Variants in PROSER1 observed in about 807,000 individuals in gnomAD.
The protein encoded by PROSER1 is proline and serine rich 1.
PROSER1 carries 36 observed loss-of-function variants against 71.8 expected under a neutral mutation model. The observed-to-expected ratio is 0.50, with a 90% CI of 0.38 to 0.66. PROSER1 has a LOEUF of 0.66. Among genes scored for constraint, PROSER1 ranks in the 30% least tolerant of loss-of-function variants. The pLI is 0.00. For missense variants in PROSER1, 1,107 were observed against 1,135.0 expected, an observed-to-expected ratio of 0.98 and a Z score of 0.35; for synonymous variants, 490 against 452.4, an observed-to-expected ratio of 1.08 and a Z score of -1.06.
chr13:39,013,678 G>C lies in PROSER1; in HGVS notation c.1574C>G (p.Pro525Arg), dbSNP rs747778131. 4.3e-6 allele frequency: 7 copies of C among 1,614,070 alleles called. No homozygotes were observed. The highest frequency in any genetic ancestry group is 5.9e-6 in the Non-Finnish European group (7 of 1,180,042). ...PNKCYAPSAI[P>R]TPQRTSTPGL... The stretch of plus-strand genomic sequence containing the variant: ...TGGAGTGGAAGTCCTCTGTGGGGTA[G>C]GGATGGCTGATGGGGCATAGCACTT... Residue 525 changes from proline to arginine, a missense_variant, in exon 11 of 13, where the codon CCT becomes CGT. Transcript: ENST00000352251.
intron 6 of PROSER1, among the ~76,000 whole-genome samples, chr13:39,025,360 C>T (rs1178761757): frequency 1.3e-5 from 2 of 152,246 alleles, no homozygotes; most frequent in East Asian, 3.9e-4. Flanking sequence ...AAGATGTCCC[C>T]CACTGATCCT....
Position 39,022,319 on chromosome 13 carries a change from A to G in PROSER1, c.730+7T>C, listed in dbSNP as rs754964829. On this transcript the variant is annotated splice_region_variant and intron_variant, in intron 9 of 12. Coordinates refer to ENST00000352251, the MANE Select transcript of PROSER1 (RefSeq NM_025138.5). ...AGTTACTTAAACACCCCCAAATAAC[A>G]TTTTACCTGTTCCTACAGGATTAGG... The G allele has an allele frequency of 1.3e-6, 2 of 1,588,742 alleles. No individual in the cohort carries two copies. Among genetic ancestry groups the G allele is most frequent in the Non-Finnish European group, 1.7e-6 (2 of 1,157,102 alleles).
chr13:39,014,935 T>G (rs942161713), intron 10 of PROSER1, among the ~76,000 whole-genome samples: 2 of 152,078 alleles, frequency 1.3e-5, no homozygotes, highest in Non-Finnish European at 2.9e-5. Context: ...AGCTCTCCAG[T>G]ATTGTTTGTT....
chr13:39,013,220 A>T lies in PROSER1; in HGVS notation c.2032T>A (p.Ser678Thr). ...GAACCATGTGGTGGAAGGGAAATAGAGGAAAGAGGATTTGAACCATTTAAA... is the reference window on the plus strand; with the variant it reads ...GAACCATGTGGTGGAAGGGAAATAGTGGAAAGAGGATTTGAACCATTTAAA... The part of the protein sequence containing the change: ...TPLNGSNPLS[S>T]ISLPPHGSST... Residue 678 changes from serine to threonine, a missense_variant, in exon 11 of 13, where the codon TCT becomes ACT. Coordinates refer to ENST00000352251, the MANE Select transcript of PROSER1 (RefSeq NM_025138.5). 12 of 1,614,126 alleles carry T rather than the reference A, an allele frequency of 7.4e-6. No homozygotes were observed. The highest frequency in any genetic ancestry group is 1.0e-5 in the Non-Finnish European group (12 of 1,180,022).
At chr13:39,030,683 C>T (rs1566028383) in intron 3 of PROSER1, among the ~76,000 whole-genome samples, 1 of 152,112 alleles carries the variant, frequency 6.6e-6, no homozygotes, top group Non-Finnish European at 1.5e-5. Flanking sequence ...CTATCTCAGC[C>T]TCCCAAAGTG....
intron 6 of PROSER1, among the ~76,000 whole-genome samples, chr13:39,025,144 T>C (rs2138121352): frequency 6.6e-6 from 1 of 152,290 alleles, no homozygotes; most frequent in East Asian, 1.9e-4. Flanking sequence ...TAAGAGTACC[T>C]ATGTTACAGT....
Position 39,012,141 on chromosome 13 carries a change from T to C in PROSER1, c.2654A>G (p.Gln885Arg). 2 of 1,614,230 alleles carry C rather than the reference T, an allele frequency of 1.2e-6. No homozygotes were observed. The highest frequency in any genetic ancestry group is 1.7e-6 in the Non-Finnish European group (2 of 1,180,032). The change falls in exon 12 of 13, where the codon CAA becomes CGA. Residue 885 changes from glutamine to arginine, a missense_variant. By Grantham distance (43) the Gln-to-Arg change is conservative. Transcript: ENST00000352251. ...ATGCTGTAATTCTTGCAAGGATGAT[T>C]GTGAAGGATTCTGAGGAAACCCAGG... ...GIPGFPQNPS[Q>R]SSLQELQHNA... is the part of the protein sequence containing the mutation.
intron 3 of PROSER1, among the ~76,000 whole-genome samples, chr13:39,030,162 A>G (rs1870769886): frequency 6.6e-6 from 1 of 152,202 alleles, no homozygotes; most frequent in Non-Finnish European, 1.5e-5. Context: ...GCCCCTTTGC[A>G]TGTTTTTAAA....
chr13:39,030,575 C>T (rs1870790420), intron 3 of PROSER1, among the ~76,000 whole-genome samples: 2 of 152,236 alleles, frequency 1.3e-5, no homozygotes, highest in South Asian at 4.1e-4. Context: ...GAGCATACCA[C>T]CACACCCAGC....
At position 39,014,049 on chromosome 13, in the gene PROSER1, T is replaced by C. The variant is rs1245457569; in HGVS notation, c.1203A>G (p.Ala401=). The change falls in exon 11 of 13, where the codon GCA becomes GCG. Residue 401 remains alanine, a synonymous_variant. Coordinates refer to ENST00000352251, the MANE Select transcript of PROSER1 (RefSeq NM_025138.5). The part of the protein sequence containing the change: ...GSSEAFASTS[A]PFTSLPFSTS... ...TGGAAAAGGGGAGGCTAGTGAAAGGTGCAGAAGTAGAAGCAAATGCTTCAC... is the reference window on the plus strand; with the variant it reads ...TGGAAAAGGGGAGGCTAGTGAAAGGCGCAGAAGTAGAAGCAAATGCTTCAC... 6.2e-7 allele frequency: 1 copy of C among 1,614,076 alleles called. No individual in the cohort carries two copies. The highest frequency in any genetic ancestry group is 1.7e-5 in the Admixed American group (1 of 60,008).
Position 39,026,377 on chromosome 13 carries a change from C to T in PROSER1, c.380G>A (p.Gly127Glu). 5.0e-6 allele frequency: 8 copies of T among 1,605,948 alleles called. No homozygotes were observed. The highest frequency in any genetic ancestry group is 6.8e-6 in the Non-Finnish European group (8 of 1,176,100). ...CKRILEQAFK[G>E]GCKAPHAMIS... ...CATAGCATGAGGAGCTTTGCAGCCC[C>T]CCTTGAAAGCCTGTAATATAAGAAA... The change falls in exon 6 of 13, where the codon GGG becomes GAG. Residue 127 changes from glycine (G) to glutamate (E), a missense_variant. Transcript: ENST00000352251.
rs554952463 is a variant in PROSER1, at chr13:39,028,662, G to A, written c.276-342C>T. Among the ~76,000 whole-genome samples the A allele has an allele frequency of 1.3e-5, 2 of 152,192 alleles. 1 individual carries two copies. The highest frequency in any genetic ancestry group is 4.8e-5 in the African/African-American group (2 of 41,542). On this transcript the variant is annotated intron_variant, in intron 4 of 12. Transcript: ENST00000352251. ...GCATAAAAATCATTTTATGCTAAAT[G>A]CATAGTTTTATCTTGTGCTTTAATT... is the stretch of plus-strand genomic sequence containing the variant.
intron 4 of PROSER1, chr13:39,028,975 T>A (rs1870680769): frequency 1.0e-5 from 2 of 195,132 alleles, no homozygotes; most frequent in Admixed American, 1.2e-4. Flanking sequence ...AAAAAATTAT[T>A]GTGTCAGTAA....
At position 39,023,119 on chromosome 13, in the gene PROSER1, T is replaced by C; in HGVS notation, c.576A>G (p.Thr192=). 2 of 1,612,922 alleles carry C rather than the reference T, an allele frequency of 1.2e-6. No individual in the cohort carries two copies. The highest frequency in any genetic ancestry group is 1.7e-6 in the Non-Finnish European group (2 of 1,179,076). Residue 192 remains threonine, a synonymous_variant, in exon 8 of 13, where the codon ACA becomes ACG. Transcript: ENST00000352251. The part of the protein sequence containing the change: ...ILGPSKPPPS[T]YNPHKPVPYP... ...AAGGAACAGGTTTATGTGGATTATA[T>C]GTTGAAGGAGGCTAAAACATGGGGG...
chr13:39,035,775 G>A (rs186717585), intron 1 of PROSER1, among the ~76,000 whole-genome samples: 1 of 152,262 alleles, frequency 6.6e-6, no homozygotes, highest in African/African-American at 2.4e-5. Flanking sequence ...CATTTACAAA[G>A]AACGATTTTT....
chr13:39,031,819 C>T (rs1593541237), intron 2 of PROSER1, 188 bp from the exon 3 acceptor site: 1 of 525,014 alleles, frequency 1.9e-6, no homozygotes, highest in Non-Finnish European at 3.4e-6. Flanking sequence ...AACTTAAAGT[C>T]AAATAAAATG....
At position 39,013,275 on chromosome 13, in the gene PROSER1, T is replaced by C; in HGVS notation, c.1977A>G (p.Ala659=). 2 of 1,614,078 alleles carry C rather than the reference T, an allele frequency of 1.2e-6. No individual in the cohort carries two copies. Among genetic ancestry groups the C allele is most frequent in the Non-Finnish European group, 1.7e-6 (2 of 1,180,016 alleles). ...TACTCAAGCTGGAGAGACCTGACAATGCAGGATTAAGGCAAGCAGATAAAC... is the reference window on the plus strand; with the variant it reads ...TACTCAAGCTGGAGAGACCTGACAACGCAGGATTAAGGCAAGCAGATAAAC... ...PISLSACLNP[A]LSGLSSLSTP... is the part of the protein sequence containing the mutation. The change falls in exon 11 of 13, where the codon GCA becomes GCG. Residue 659 remains alanine (A), a synonymous_variant. Coordinates refer to ENST00000352251, the MANE Select transcript of PROSER1 (RefSeq NM_025138.5).
Position 39,014,300 on chromosome 13 carries a change from C to T in PROSER1, c.952G>A (p.Gly318Arg), listed in dbSNP as rs776061710. 6.2e-7 allele frequency: 1 copy of T among 1,614,082 alleles called. No individual in the cohort carries two copies. Among genetic ancestry groups the T allele is most frequent in the South Asian group, 1.1e-5 (1 of 91,068 alleles). Residue 318 changes from glycine (G) to arginine (R), a missense_variant, in exon 11 of 13, where the codon GGG becomes AGG. Gly to Arg is a moderately radical substitution (Grantham distance 125). Coordinates refer to ENST00000352251, the MANE Select transcript of PROSER1 (RefSeq NM_025138.5). ...GTGTGAACGGCTGAGGAGACCTGCC[C>T]TGGGAACACAGGAAGGACAGTATTC... The part of the protein sequence containing the change: ...LLNTVLPVFP[G>R]QVSSAVHTPQ...
chr13:39,012,188 G>T lies in PROSER1; in HGVS notation c.2607C>A (p.Gly869=), dbSNP rs761087358. ...LQAAGSSVFP[G]LLSLPGIPGF... is the part of the protein sequence containing the mutation. Reference sequence around the variant, plus strand: ...CAGGGATACCCGGGAGGGACAAAAGGCCTGGAAAAACAGAACTGCCTGCAG... The same window carrying T: ...CAGGGATACCCGGGAGGGACAAAAGTCCTGGAAAAACAGAACTGCCTGCAG... The change falls in exon 12 of 13, where the codon GGC becomes GGA. Residue 869 remains glycine (G), a synonymous_variant. Coordinates refer to ENST00000352251, the MANE Select transcript of PROSER1 (RefSeq NM_025138.5). 6 of 1,613,962 alleles carry T rather than the reference G, an allele frequency of 3.7e-6. No individual in the cohort carries two copies. Among genetic ancestry groups the T allele is most frequent in the Non-Finnish European group, 4.2e-6 (5 of 1,179,970 alleles).
Sources: gnomAD v4.1 joint callset for allele counts (sites outside exome capture counted in the v4.1 genomes callset) on GRCh38, gnomAD v4.1.1 for gene constraint, MANE v1.5 for transcripts, NCBI Gene and HGNC (gene_info 2026-07-23, HGNC 2026-07-21) for gene names.